RALGPS1: variants seen among roughly 807,000 people sequenced by gnomAD.
RALGPS1 encodes the protein ras-specific guanine nucleotide-releasing factor RalGPS1.
RALGPS1 carries 19 observed loss-of-function variants against 78.8 expected under a neutral mutation model. The ratio of observed to expected loss-of-function variants is 0.24; its 90% CI spans 0.17 to 0.35. The LOEUF (loss-of-function observed/expected upper bound fraction) is 0.35. Among genes scored for constraint, RALGPS1 ranks in the 10% least tolerant of loss-of-function variants. RALGPS1 has a pLI of 1.00. For synonymous variants in RALGPS1, 228 were observed against 256.3 expected, an observed-to-expected ratio of 0.89 and a Z score of 1.06; for missense variants, 454 against 688.3, an observed-to-expected ratio of 0.66 and a Z score of 3.81.
At chr9:127,096,868 C>T (rs1028940996) in intron 8 of RALGPS1, among the ~76,000 whole-genome samples, 22 of 152,302 alleles carry the variant, frequency 1.4e-4, no homozygotes, top group East Asian at 1.9e-4. Flanking sequence ...GTCCTAGCCA[C>T]GTATTTCCAC....
intron 4 of RALGPS1, 96 bp from the exon 5 acceptor site, chr9:127,034,335 C>T (rs183840686): frequency 8.9e-7 from 1 of 1,119,832 alleles, no homozygotes; most frequent in East Asian, 2.4e-5. Flanking sequence ...TCAGCCCTTT[C>T]CCACCTTCAT....
At chr9:127,096,382 G>A (rs891206198) in intron 8 of RALGPS1, among the ~76,000 whole-genome samples, 5 of 152,228 alleles carry the variant, frequency 3.3e-5, no homozygotes, top group South Asian at 2.1e-4. Context: ...TGCTGGTGAC[G>A]GAAGATCCGG....
chr9:127,119,461 C>T (rs981047839), intron 8 of RALGPS1, among the ~76,000 whole-genome samples: 3 of 152,194 alleles, frequency 2.0e-5, no homozygotes, highest in Non-Finnish European at 2.9e-5. Context: ...AAGTCAGGGG[C>T]TTTGGAGCCA....
chr9:127,090,321 C>T lies in RALGPS1; in HGVS notation c.610+20965C>T, dbSNP rs371874578. 2.7e-3 allele frequency among the ~76,000 whole-genome samples: 408 copies of T among 152,388 alleles called. 2 individuals carry two copies. The highest frequency in any genetic ancestry group is 9.1e-3 in the African/African-American group (379 of 41,586). On this transcript the variant is annotated intron_variant, in intron 8 of 18. Transcript: ENST00000259351. Reference sequence around the variant, plus strand: ...AGGTGGCCCTCCAGAAAGGCTGTAGCAGCCCCTGTGTCCCAGGGTCTGACC... The same window carrying T: ...AGGTGGCCCTCCAGAAAGGCTGTAGTAGCCCCTGTGTCCCAGGGTCTGACC...
chr9:127,199,851 C>T (rs2061536577), intron 14 of RALGPS1, among the ~76,000 whole-genome samples: 1 of 152,130 alleles, frequency 6.6e-6, no homozygotes, highest in African/African-American at 2.4e-5. Flanking sequence ...ACCAGTGACA[C>T]AGAATGTCCA....
chr9:126,915,314 T>C (rs1419801029), intron 1 of RALGPS1: 2 of 71,222 alleles, frequency 2.8e-5, no homozygotes, highest in Admixed American at 1.9e-4. Context: ...GCGCCGCGGC[T>C]GCAGGTGCGG....
chr9:127,053,361 C>G (rs1316970549), intron 7 of RALGPS1, among the ~76,000 whole-genome samples: 1 of 152,052 alleles, frequency 6.6e-6, no homozygotes, highest in East Asian at 1.9e-4. Context: ...ACCTGTGACC[C>G]CCGTGTAGGA....
chr9:127,010,669 G>A (rs943553985), intron 4 of RALGPS1, among the ~76,000 whole-genome samples: 1 of 152,224 alleles, frequency 6.6e-6, no homozygotes, highest in Non-Finnish European at 1.5e-5. Context: ...CAGAGGCCAA[G>A]AACATGGCTG....
intron 4 of RALGPS1, among the ~76,000 whole-genome samples, chr9:127,021,922 T>A (rs576373614): frequency 6.6e-6 from 1 of 152,138 alleles, no homozygotes; most frequent in African/African-American, 2.4e-5. Context: ...AGCTACGTAG[T>A]ACTAGGGCTG....
chr9:127,199,217 G>C, intron 14 of RALGPS1, 151 bp downstream of exon 14: 1 of 751,054 alleles, frequency 1.3e-6, no homozygotes, highest in Non-Finnish European at 2.3e-6. Flanking sequence ...GGGCAGGGCT[G>C]AGTAGGAGGG....
intron 8 of RALGPS1, among the ~76,000 whole-genome samples, chr9:127,139,200 C>T (rs1040576011): frequency 2.0e-5 from 3 of 152,162 alleles, no homozygotes; most frequent in South Asian, 2.1e-4. Context: ...TGCTGACACA[C>T]GGCAGACCTA....
At chr9:126,926,298 C>CAGATAGA (rs1329484306) in intron 1 of RALGPS1, among the ~76,000 whole-genome samples, 1 of 152,246 alleles carries the variant, frequency 6.6e-6, no homozygotes, top group East Asian at 1.9e-4. Flanking sequence ...CAAGACTTGA[C>CAGATAGA]AGATAGAAGT....
At chr9:127,015,734 G>T (rs1283981965) in intron 4 of RALGPS1, among the ~76,000 whole-genome samples, 1 of 151,948 alleles carries the variant, frequency 6.6e-6, no homozygotes, top group Non-Finnish European at 1.5e-5. Flanking sequence ...CTTTTTCTTG[G>T]GAACATGGAA....
intron 1 of RALGPS1, among the ~76,000 whole-genome samples, chr9:126,931,353 A>G (rs1416869791): frequency 6.6e-6 from 1 of 152,240 alleles, no homozygotes; most frequent in Admixed American, 6.5e-5. Context: ...GTAATTGCCA[A>G]AAATGGAAAC....
chr9:127,162,157 A>G (rs1320941129), intron 8 of RALGPS1, among the ~76,000 whole-genome samples: 1 of 152,232 alleles, frequency 6.6e-6, no homozygotes, highest in Non-Finnish European at 1.5e-5. Flanking sequence ...AGCGTTTACC[A>G]AGCAGCTCCT....
At position 127,161,754 on chromosome 9, in the gene RALGPS1, A is replaced by G. The variant is rs1588251359; in HGVS notation, c.611-4315A>G. On this transcript the variant is annotated intron_variant, in intron 8 of 18. Transcript: ENST00000259351. ...CCCCTATCTTGCCTCACTGGCTGCC[A>G]TACACCAGAGAGTCTGGCTGGAGTA... Among the ~76,000 whole-genome samples the G allele has an allele frequency of 2.0e-5, 3 of 152,216 alleles. No homozygotes were observed. In the South Asian group the frequency reaches 6.2e-4, roughly 32 times the overall value.
At chr9:127,161,710 T>C (rs1012994172) in intron 8 of RALGPS1, among the ~76,000 whole-genome samples, 3 of 152,142 alleles carry the variant, frequency 2.0e-5, no homozygotes, top group Admixed American at 6.5e-5. Context: ...GGGACAGCCA[T>C]AGCCTGGGTT....
intron 4 of RALGPS1, among the ~76,000 whole-genome samples, chr9:127,024,281 A>T (rs918973506): frequency 4.6e-5 from 7 of 151,890 alleles, no homozygotes; most frequent in African/African-American, 1.7e-4. Flanking sequence ...AGGAAAGCTT[A>T]TGAAGAAAAA....
In RALGPS1 at chr9:126,990,008, C is replaced by T. The variant is rs868515196; in HGVS notation, c.216+12263C>T. 32 of 1,550,096 alleles carry T rather than the reference C, an allele frequency of 2.1e-5. No individual in the cohort carries two copies. The Middle Eastern group carries it at 2.2e-3, about 105-fold the overall frequency. On this transcript the variant is annotated intron_variant, in intron 4 of 18. Coordinates refer to ENST00000259351, the MANE Select transcript of RALGPS1 (RefSeq NM_014636.3). ...CCTGTGGGTCCAGGAACCTGACCCT[C>T]TGGCCTTTTGTCTGGATGCCGTTTG...
Sources: gnomAD v4.1 joint callset for allele counts (sites outside exome capture counted in the v4.1 genomes callset) on GRCh38, gnomAD v4.1.1 for gene constraint, MANE v1.5 for transcripts, NCBI Gene and HGNC (gene_info 2026-07-23, HGNC 2026-07-21) for gene names.